Variants in EYS observed in about 807,000 individuals in gnomAD.
The protein encoded by EYS is EGF-like photoreceptor maintenance factor.
In EYS, 250 loss-of-function variants were observed where a neutral mutation model predicts 282.1. The observed-to-expected ratio is 0.89, with a 90% CI of 0.80 to 0.98. The LOEUF (loss-of-function observed/expected upper bound fraction) is 0.98. Ranked by LOEUF, EYS falls within the 50% of genes least tolerant of loss-of-function variation. The pLI is 0.00. For missense variants in EYS, 4,016 were observed against 3,709.0 expected (o/e 1.08, Z -2.15); for synonymous variants, 1,355 against 1,282.9 (o/e 1.06, Z -1.20).
At chr6:65,299,129 C>T (rs1457446438) in intron 11 of EYS, among the ~76,000 whole-genome samples, 1 of 152,076 alleles carries the variant, frequency 6.6e-6, no homozygotes, top group East Asian at 1.9e-4. Context: ...GCTTCCCAAA[C>T]ACTGGAGAGT....
At chr6:63,968,847 G>C (rs1004876953) in intron 35 of EYS, among the ~76,000 whole-genome samples, 1 of 152,146 alleles carries the variant, frequency 6.6e-6, no homozygotes, top group Non-Finnish European at 1.5e-5. Flanking sequence ...TCCTTACTTG[G>C]CAGTTTTAGA....
intron 26 of EYS, among the ~76,000 whole-genome samples, chr6:64,454,337 C>T (rs1462138639): frequency 6.6e-6 from 1 of 152,044 alleles, no homozygotes; most frequent in Admixed American, 6.6e-5. Context: ...TGTTCTTCTT[C>T]TTCAGGGTTG....
intron 2 of EYS, among the ~76,000 whole-genome samples, chr6:65,527,905 G>A (rs1222924941): frequency 3.3e-5 from 5 of 152,132 alleles, no homozygotes; most frequent in African/African-American, 1.2e-4. Flanking sequence ...AAATTAAGAA[G>A]CTCATTTTAT....
chr6:64,296,567 T>C (rs1379091288), intron 30 of EYS, among the ~76,000 whole-genome samples: 3 of 6,782 alleles, frequency 4.4e-4, no homozygotes, highest in Non-Finnish European at 8.7e-4. Context: ...TATATATATA[T>C]ATATATATAT....
chr6:64,294,218 C>T (rs1383371832), intron 30 of EYS, among the ~76,000 whole-genome samples: 1 of 152,108 alleles, frequency 6.6e-6, no homozygotes, highest in African/African-American at 2.4e-5. Flanking sequence ...AACCAAAATA[C>T]CAAACTGGTG....
chr6:65,294,493 C>T (rs1031368375), intron 12 of EYS, among the ~76,000 whole-genome samples: 2 of 151,656 alleles, frequency 1.3e-5, no homozygotes, highest in Non-Finnish European at 2.9e-5. Flanking sequence ...ATATTATATT[C>T]CAGTAATAAG....
intron 30 of EYS, among the ~76,000 whole-genome samples, chr6:64,296,541 AATATATATATATATATATATAT>A (rs1211614579): frequency 1.0e-3 from 16 of 15,724 alleles, no homozygotes; most frequent in South Asian, 3.0e-3. Flanking sequence ...GTACTGGCAG[AATATATATATATATATATATAT>A]ATATATATAT....
Sources: allele counts gnomAD v4.1 joint callset (sites outside exome capture counted in the v4.1 genomes callset), GRCh38; gene constraint gnomAD v4.1.1; transcripts MANE v1.5; gene names NCBI Gene and HGNC (gene_info 2026-07-23, HGNC 2026-07-21).